Variants in ST6GAL1 observed in about 807,000 individuals in gnomAD.
ST6GAL1 encodes ST6 beta-galactoside alpha-2,6-sialyltransferase 1, also known as beta-galactoside alpha-2,6-sialyltransferase 1.
Under a neutral mutation model 38.0 loss-of-function variants are expected in ST6GAL1, and 20 were observed. That is an observed-to-expected ratio of 0.53 (90% CI 0.37 to 0.77). The LOEUF is 0.77. ST6GAL1 is among the 30% of genes least tolerant of loss of function. The pLI, the probability that ST6GAL1 is intolerant of heterozygous loss-of-function variation, is 0.00. For synonymous variants in ST6GAL1, 196 were observed against 188.2 expected (o/e 1.04, Z -0.34); for missense variants, 432 against 496.4 (o/e 0.87, Z 1.23).
At chr3:187,046,245 GA>G (rs1354989784) in intron 4 of ST6GAL1, among the ~76,000 whole-genome samples, 1 of 152,218 alleles carries the variant, frequency 6.6e-6, no homozygotes, top group Non-Finnish European at 1.5e-5. Context: ...AGCTGGAAAT[GA>G]TCTTGAGTGA....
chr3:187,024,911 G>A (rs1422924628), intron 2 of ST6GAL1: 1 of 151,954 alleles, frequency 6.6e-6, no homozygotes, highest in African/African-American at 2.4e-5. Context: ...AAGGTGGGTT[G>A]GATATTGGGT....
chr3:187,012,247 AT>A (rs938446493), intron 2 of ST6GAL1, among the ~76,000 whole-genome samples: 1 of 148,762 alleles, frequency 6.7e-6, no homozygotes, highest in Non-Finnish European at 1.5e-5. Context: ...TATTTACTGC[AT>A]TTTTTTTCAT....
Position 186,952,114 on chromosome 3 carries a change from GC to G in ST6GAL1, c.-324-11670del, listed in dbSNP as rs1481573445. On this transcript the variant is annotated intron_variant, in intron 1 of 7. Transcript: ENST00000169298. This position sits in a 1 kb window ranked among gnomAD's most constrained non-coding sequence, Gnocchi z 4.1. Reference sequence around the variant, plus strand: ...GGCACCCACATCATCTTCTGGTGAGGCTTCAGGAAGCTTTTACTCACGGCAG... The same window carrying G: ...GGCACCCACATCATCTTCTGGTGAGGTTCAGGAAGCTTTTACTCACGGCAG... 6.6e-6 allele frequency among the ~76,000 whole-genome samples: 1 copy of G among 152,186 alleles called. No homozygotes were observed. The highest frequency in any genetic ancestry group is 2.4e-5 in the African/African-American group (1 of 41,440).
In ST6GAL1 at chr3:187,046,587, A is replaced by G. The variant is rs116551163; in HGVS notation, c.607+3277A>G. 9.6e-3 allele frequency among the ~76,000 whole-genome samples: 1,457 copies of G among 152,336 alleles called. 25 individuals carry two copies. Among genetic ancestry groups the G allele is most frequent in the African/African-American group, 0.033 (1,388 of 41,582 alleles). On this transcript the variant is annotated intron_variant, in intron 4 of 7. Coordinates refer to ENST00000169298, the MANE Select transcript of ST6GAL1 (RefSeq NM_173216.2). Reference sequence around the variant, plus strand: ...GTCAGAGACCGGCTAGAGGAGAACTAGGTGTGCACCATACAATGGAAGGCA... The same window carrying G: ...GTCAGAGACCGGCTAGAGGAGAACTGGGTGTGCACCATACAATGGAAGGCA...
chr3:187,032,943 T>C (rs931016860), intron 2 of ST6GAL1, among the ~76,000 whole-genome samples: 8 of 152,178 alleles, frequency 5.3e-5, no homozygotes, highest in African/African-American at 1.9e-4. Context: ...GTTCATGGGG[T>C]GAAGTCAAGT....
At chr3:186,934,382 C>T (rs1011330241) in intron 1 of ST6GAL1, among the ~76,000 whole-genome samples, 6 of 152,116 alleles carry the variant, frequency 3.9e-5, no homozygotes, top group South Asian at 2.1e-4. Context: ...CCTCCCCCAC[C>T]GCCATCTCTA....
chr3:187,042,598 T>C, intron 3 of ST6GAL1, 56 bp from the exon 4 acceptor site: 1 of 1,473,730 alleles, frequency 6.8e-7, no homozygotes, highest in Non-Finnish European at 9.1e-7. Flanking sequence ...CTCCGCCTCA[T>C]GCCACATTGG....
At chr3:187,050,534 AAGAGAGAGAGAG>A (rs147505225) in intron 4 of ST6GAL1, among the ~76,000 whole-genome samples, 1 of 87,740 alleles carries the variant, frequency 1.1e-5, no homozygotes, top group African/African-American at 3.1e-5. Flanking sequence ...CTTACAAAGA[AAGAGAGAGAGAG>A]AGAGAGAGAG....
At chr3:186,942,622 A>G (rs1437252845) in intron 1 of ST6GAL1, among the ~76,000 whole-genome samples, 1 of 152,138 alleles carries the variant, frequency 6.6e-6, no homozygotes, top group African/African-American at 2.4e-5. Flanking sequence ...CTGCAAGTGA[A>G]GAAGAATGTT....
intron 2 of ST6GAL1, among the ~76,000 whole-genome samples, chr3:187,027,056 AT>A (rs1458851028): frequency 6.6e-6 from 1 of 151,852 alleles, no homozygotes; most frequent in Non-Finnish European, 1.5e-5. Context: ...CTCCAAAAAA[AT>A]AAATAAATAA....
At chr3:186,984,798 TCCTTC>T (rs1715836629) in intron 2 of ST6GAL1, among the ~76,000 whole-genome samples, 1 of 40,294 alleles carries the variant, frequency 2.5e-5, no homozygotes, top group Non-Finnish European at 5.0e-5. Context: ...CTTCCTTCCT[TCCTTC>T]CATCCTTCCT....
rs574885768 is a variant in ST6GAL1 at position 186,972,344 on chromosome 3, G to A, written c.-183+8418G>A. Among the ~76,000 whole-genome samples, 78 of 152,094 alleles carry A rather than the reference G, an allele frequency of 5.1e-4. 4 individuals carry two copies. Among genetic ancestry groups the A allele is most frequent in the African/African-American group, 1.7e-3 (69 of 41,486 alleles). ...TCTCACTGCAACCTCCACCTCCCGG[G>A]TTCAAGTGATTCTCATGTCTCAGCC... is the stretch of plus-strand genomic sequence containing the variant. On this transcript the variant is annotated intron_variant, in intron 2 of 7. Transcript: ENST00000169298.
intron 2 of ST6GAL1, among the ~76,000 whole-genome samples, chr3:186,997,699 G>C (rs994508391): frequency 6.6e-6 from 1 of 151,768 alleles, no homozygotes; most frequent in Non-Finnish European, 1.5e-5. Context: ...CGAGGCTGCA[G>C]TGAGCCGCAA....
chr3:186,951,115 G>A (rs1714562156), intron 1 of ST6GAL1, among the ~76,000 whole-genome samples: 2 of 152,086 alleles, frequency 1.3e-5, no homozygotes, highest in African/African-American at 2.4e-5. Flanking sequence ...TGTCCCCCAG[G>A]CTGCAGTGCT....
chr3:186,955,873 G>A (rs892177272), intron 1 of ST6GAL1, among the ~76,000 whole-genome samples: 1 of 152,096 alleles, frequency 6.6e-6, no homozygotes, highest in Non-Finnish European at 1.5e-5. Context: ...CCCTTGTTAG[G>A]GGTATTCCAA....
At position 187,051,260 on chromosome 3, in the gene ST6GAL1, G is replaced by A. The variant is rs770609191; in HGVS notation, c.619G>A (p.Ala207Thr). 6.8e-6 allele frequency: 11 copies of A among 1,613,690 alleles called. No individual in the cohort carries two copies. The highest frequency in any genetic ancestry group is 3.3e-5 in the South Asian group (3 of 91,056). ...TTTGTGGTTTATAGATGATCATGAC[G>A]CAGTCCTGAGGTTTAATGGGGCACC... is the stretch of plus-strand genomic sequence containing the variant. ...QLGREIDDHD[A>T]VLRFNGAPTA... The change falls in exon 5 of 8, where the codon GCA becomes ACA. Residue 207 changes from alanine (A) to threonine (T), a missense_variant. Ala to Thr is a moderately conservative substitution (Grantham distance 58). Transcript: ENST00000169298.
intron 1 of ST6GAL1, among the ~76,000 whole-genome samples, chr3:186,957,106 A>G (rs1335555703): frequency 6.6e-6 from 1 of 152,180 alleles, no homozygotes; most frequent in African/African-American, 2.4e-5. Flanking sequence ...TTTGGAATAT[A>G]GAATTGAAGA....
chr3:187,049,815 T>A (rs1209922758), intron 4 of ST6GAL1, among the ~76,000 whole-genome samples: 2 of 152,258 alleles, frequency 1.3e-5, no homozygotes, highest in African/African-American at 4.8e-5. Flanking sequence ...CTGATGGATC[T>A]GTGTTTCTCA....
chr3:186,951,277 G>A (rs549779227), intron 1 of ST6GAL1, among the ~76,000 whole-genome samples: 17 of 152,154 alleles, frequency 1.1e-4, no homozygotes, highest in East Asian at 3.9e-4. Flanking sequence ...GGCTGGTCTC[G>A]AACTCCTGAC....
Sources: allele counts gnomAD v4.1 joint callset (sites outside exome capture counted in the v4.1 genomes callset), GRCh38; gene constraint gnomAD v4.1.1; non-coding constraint Gnocchi (gnomAD v3.1); transcripts MANE v1.5; gene names NCBI Gene and HGNC (gene_info 2026-07-23, HGNC 2026-07-21).